The following TBC1D5 variants were observed in gnomAD, a reference collection of about 807,000 sequenced individuals.
TBC1D5 encodes the protein TBC1 domain family member 5, also known as TBC1 domain family, member 5.
A neutral mutation model predicts 100.3 loss-of-function variants in TBC1D5; 75 were observed. That is an observed-to-expected ratio of 0.75 (90% CI 0.62 to 0.91). The LOEUF is 0.91. Among genes scored for constraint, TBC1D5 ranks in the 40% least tolerant of loss-of-function variants. The pLI is 0.00. For missense variants in TBC1D5, 910 were observed against 942.4 expected (o/e 0.97, Z 0.45); for synonymous variants, 323 against 325.6 (o/e 0.99, Z 0.09).
intron 13 of TBC1D5, among the ~76,000 whole-genome samples, chr3:17,328,896 T>C (rs985555216): frequency 4.6e-5 from 7 of 152,198 alleles, no homozygotes; most frequent in African/African-American, 1.7e-4. Context: ...GTACAAATGC[T>C]TTGGCATAAA....
At chr3:17,669,577 C>G (rs2067689106) in intron 1 of TBC1D5, among the ~76,000 whole-genome samples, 2 of 152,130 alleles carry the variant, frequency 1.3e-5, no homozygotes, top group African/African-American at 4.8e-5. Flanking sequence ...ATTGCCTTAT[C>G]ACTCCATAGG....
chr3:17,313,354 G>A (rs1183249771), intron 13 of TBC1D5, among the ~76,000 whole-genome samples: 1 of 152,138 alleles, frequency 6.6e-6, no homozygotes, highest in Non-Finnish European at 1.5e-5. Context: ...TTGGGAAAAC[G>A]AATTTTAGGC....
Position 17,426,094 on chromosome 3 carries a change from A to G in TBC1D5, c.167+2356T>C, listed in dbSNP as rs1445063169. On this transcript the variant is annotated intron_variant, in intron 4 of 21. Transcript: ENST00000253692. ...AGCTAGGATTTCAGAGGCGGTTTAA[A>G]TAATACAAAGGTAGAATTGTCATGC... is the stretch of plus-strand genomic sequence containing the variant. 2.0e-5 allele frequency among the ~76,000 whole-genome samples: 3 copies of G among 152,344 alleles called. No homozygotes were observed. The East Asian group carries it at 5.8e-4, about 29-fold the overall frequency.
intron 13 of TBC1D5, among the ~76,000 whole-genome samples, chr3:17,314,575 G>A (rs2084438244): frequency 2.0e-5 from 3 of 152,088 alleles, no homozygotes; most frequent in Admixed American, 1.3e-4. Context: ...TATTCAAAGT[G>A]TAATCCTAGG....
chr3:17,574,712 A>G (rs1223842728), intron 2 of TBC1D5, among the ~76,000 whole-genome samples: 1 of 152,140 alleles, frequency 6.6e-6, no homozygotes, highest in Non-Finnish European at 1.5e-5. Context: ...ACCAGAAAAC[A>G]AAACAGACCT....
chr3:17,353,371 T>G (rs2090860393), intron 13 of TBC1D5, among the ~76,000 whole-genome samples: 1 of 152,118 alleles, frequency 6.6e-6, no homozygotes, highest in South Asian at 2.1e-4. Flanking sequence ...TGGTTTACTT[T>G]TTAGTAATTT....
At chr3:17,410,779 T>C (rs1303396472) in intron 4 of TBC1D5, among the ~76,000 whole-genome samples, 3 of 152,146 alleles carry the variant, frequency 2.0e-5, no homozygotes, top group Admixed American at 2.0e-4. Context: ...ATCTCATATA[T>C]ATAAAACTTA....
chr3:17,545,681 T>C (rs1185257197), intron 2 of TBC1D5, among the ~76,000 whole-genome samples: 1 of 151,234 alleles, frequency 6.6e-6, no homozygotes, highest in Non-Finnish European at 1.5e-5. Context: ...TCAATGTTCA[T>C]TGACACAACA....
At chr3:17,205,540 G>A (rs901104947) in intron 18 of TBC1D5, among the ~76,000 whole-genome samples, 21 of 152,184 alleles carry the variant, frequency 1.4e-4, no homozygotes, top group African/African-American at 4.3e-4. Context: ...CTTCAGGAAA[G>A]GATTAAATAA....
chr3:17,504,479 T>C (rs1240040544), intron 3 of TBC1D5, among the ~76,000 whole-genome samples: 2 of 152,160 alleles, frequency 1.3e-5, no homozygotes, highest in South Asian at 2.1e-4. Flanking sequence ...AAAAGGATTA[T>C]ATATTGTTGA....
intron 8 of TBC1D5, among the ~76,000 whole-genome samples, chr3:17,395,612 G>T (rs906124291): frequency 9.9e-5 from 15 of 152,024 alleles, no homozygotes; most frequent in African/African-American, 3.6e-4. Context: ...ACTATAAATA[G>T]TCCTTAAAAA....
intron 14 of TBC1D5, among the ~76,000 whole-genome samples, chr3:17,306,115 C>A (rs2083375687): frequency 1.8e-5 from 1 of 54,716 alleles, no homozygotes; most frequent in Non-Finnish European, 4.8e-5. Context: ...CTTTTCACTT[C>A]CAGGCCTTTG....
At chr3:17,493,962 G>A (rs376526347) in intron 3 of TBC1D5, among the ~76,000 whole-genome samples, 41 of 152,274 alleles carry the variant, frequency 2.7e-4, no homozygotes, top group African/African-American at 9.1e-4. Context: ...CCAGTTCTGT[G>A]TCCTTGCTGC....
chr3:17,572,263 C>G (rs1423127092), intron 2 of TBC1D5, among the ~76,000 whole-genome samples: 1 of 151,464 alleles, frequency 6.6e-6, no homozygotes, highest in African/African-American at 2.4e-5. Context: ...TCTGAATTAT[C>G]ATGTCAAATC....
rs1334832921 is a variant in TBC1D5, at chr3:17,699,539, A to G, written c.-101+39804T>C. Among the ~76,000 whole-genome samples the G allele has an allele frequency of 7.1e-5, 7 of 98,452 alleles. No homozygotes were observed. The East Asian group carries it at 0.046, about 648-fold the overall frequency. 64.6% of individuals were successfully genotyped at this position (98,452 alleles called of 152,430 possible). A position where few individuals can be genotyped will look rare whatever the true frequency, so the allele number is the denominator to read the frequency against. On this transcript the variant is annotated intron_variant, in intron 1 of 21. Coordinates refer to ENST00000253692, the Ensembl canonical transcript of TBC1D5. ...GCACATGTACCCTAAAACTTAAAGT[A>G]TAATAATAATAAATAGATTTTTAAA...
chr3:17,641,536 T>C (rs1010247410), intron 1 of TBC1D5, among the ~76,000 whole-genome samples: 4 of 152,250 alleles, frequency 2.6e-5, no homozygotes, highest in Admixed American at 2.0e-4. Context: ...ATAAAGTGCT[T>C]AGAAAAGTAA....
chr3:17,700,705 C>T (rs867555063), intron 1 of TBC1D5, among the ~76,000 whole-genome samples: 33 of 152,094 alleles, frequency 2.2e-4, no homozygotes, highest in African/African-American at 6.8e-4. Flanking sequence ...AAGACATCTA[C>T]GCGGCCAACA....
chr3:17,617,160 T>C (rs1292927840), intron 2 of TBC1D5, among the ~76,000 whole-genome samples: 1 of 152,200 alleles, frequency 6.6e-6, no homozygotes. Context: ...TTAGTTTGGT[T>C]GGATATGAAA....
intron 13 of TBC1D5, chr3:17,337,394 C>A (rs1365591660): frequency 6.6e-6 from 1 of 152,120 alleles, no homozygotes; most frequent in South Asian, 2.1e-4. Flanking sequence ...TTACGTTGTA[C>A]TTGGTGAACG....
Sources: gnomAD v4.1 joint callset for allele counts (sites outside exome capture counted in the v4.1 genomes callset) on GRCh38, gnomAD v4.1.1 for gene constraint, MANE v1.5 for transcripts, NCBI Gene and HGNC (gene_info 2026-07-23, HGNC 2026-07-21) for gene names.